The following STAMBPL1 variants were observed in gnomAD, a reference collection of about 807,000 sequenced individuals.
STAMBPL1 encodes the protein STAM binding protein like 1.
In STAMBPL1, 44 loss-of-function variants were observed where a neutral mutation model predicts 52.9. That is an observed-to-expected ratio of 0.83 (90% confidence interval 0.65 to 1.07). The LOEUF is 1.07. Among genes scored for constraint, STAMBPL1 ranks in the 50% least tolerant of loss-of-function variants. The pLI, the probability that STAMBPL1 is intolerant of heterozygous loss-of-function variation, is 0.00. For synonymous variants in STAMBPL1, 164 were observed against 177.3 expected, an observed-to-expected ratio of 0.92 and a Z score of 0.60; for missense variants, 511 against 520.8, an observed-to-expected ratio of 0.98 and a Z score of 0.18.
chr10:88,909,823 A>G (rs1332570820), intron 4 of STAMBPL1, among the ~76,000 whole-genome samples: 1 of 151,340 alleles, frequency 6.6e-6, no homozygotes, highest in Non-Finnish European at 1.5e-5. Context: ...CTGGTCTTGA[A>G]CTCCTGACCT....
At chr10:88,895,827 T>G (rs1236048629) in intron 1 of STAMBPL1, among the ~76,000 whole-genome samples, 1 of 152,198 alleles carries the variant, frequency 6.6e-6, no homozygotes, top group Non-Finnish European at 1.5e-5. Context: ...GGATAAAAAG[T>G]TTGTATTACA....
intron 6 of STAMBPL1, 59 bp from the exon 7 acceptor site, chr10:88,914,475 T>G: frequency 7.5e-7 from 1 of 1,336,512 alleles, no homozygotes; most frequent in Non-Finnish European, 9.8e-7. Flanking sequence ...CAATAACAAT[T>G]TTGAAAGATG....
chr10:88,913,870 T>C (rs749058652), intron 6 of STAMBPL1, among the ~76,000 whole-genome samples: 4 of 152,206 alleles, frequency 2.6e-5, no homozygotes, highest in African/African-American at 4.8e-5. Context: ...ATACTCAATA[T>C]GTTTAGCATC....
At chr10:88,901,466 A>G (rs1844941732) in intron 1 of STAMBPL1, 190 bp from the exon 2 acceptor site, 1 of 369,642 alleles carries the variant, frequency 2.7e-6, no homozygotes, top group Non-Finnish European at 4.9e-6. Context: ...GATCAGCTTC[A>G]GGAAACTATA....
At position 88,914,647 on chromosome 10, in the gene STAMBPL1, T is replaced by A; in HGVS notation, c.892T>A (p.Cys298Ser). The stretch of plus-strand genomic sequence containing the variant: ...AGGAATAGAAACCTGTGGAATACTC[T>A]GTGGAAAACTGGTATGATCTTTTTA... ...VRGIETCGIL[C>S]GKLTHNEFTI... Residue 298 changes from cysteine to serine, a missense_variant, in exon 7 of 11, where the codon TGT (cysteine) becomes AGT (serine). Transcript: ENST00000371926. The A allele has an allele frequency of 7.3e-7, 1 of 1,375,696 alleles. No homozygotes were observed. Among genetic ancestry groups the A allele is most frequent in the Non-Finnish European group, 9.5e-7 (1 of 1,052,618 alleles). 85.2% of individuals were successfully genotyped at this position (1,375,696 alleles called of 1,614,324 possible).
intron 6 of STAMBPL1, 46 bp from the exon 7 acceptor site, chr10:88,914,488 A>T: frequency 7.1e-7 from 1 of 1,405,390 alleles, no homozygotes; most frequent in South Asian, 1.8e-5. Context: ...GAAAGATGGG[A>T]CATATAGTTT....
intron 4 of STAMBPL1, among the ~76,000 whole-genome samples, chr10:88,909,919 A>T (rs986463588): frequency 3.3e-5 from 5 of 152,092 alleles, no homozygotes; most frequent in African/African-American, 1.2e-4. Context: ...TAATGTCTAC[A>T]GTCACTTACC....
chr10:88,892,355 T>TGC (rs755412124), intron 1 of STAMBPL1, among the ~76,000 whole-genome samples: 1 of 48,326 alleles, frequency 2.1e-5, no homozygotes, highest in Non-Finnish European at 3.6e-5. Context: ...TGCGTGTGCG[T>TGC]GTGTGTGTGT....
intron 8 of STAMBPL1, 128 bp from the exon 9 acceptor site, chr10:88,921,155 C>A (rs1331334772): frequency 7.4e-6 from 5 of 675,510 alleles, no homozygotes; most frequent in African/African-American, 7.3e-5. Flanking sequence ...TCAGCAAAAC[C>A]TTTTTAAAAA....
intron 4 of STAMBPL1, among the ~76,000 whole-genome samples, chr10:88,910,120 T>A (rs1845182449): frequency 6.6e-6 from 1 of 152,184 alleles, no homozygotes; most frequent in South Asian, 2.1e-4. Flanking sequence ...ATTTCCCTTG[T>A]TTATGCTTAT....
chr10:88,921,445 C>A, intron 9 of STAMBPL1, 50 bp downstream of exon 9: 1 of 1,472,618 alleles, frequency 6.8e-7, no homozygotes, highest in Non-Finnish European at 9.5e-7. Context: ...TCCAGGGCTG[C>A]TGGGTTCCTG....
At chr10:88,904,641 C>T (rs142730570) in intron 2 of STAMBPL1, among the ~76,000 whole-genome samples, 1,807 of 143,558 alleles carry the variant, frequency 0.013, 11 homozygotes, top group Non-Finnish European at 0.019. Context: ...GAGAAAATTT[C>T]CTTTCTGAAG....
At chr10:88,897,100 G>T (rs1589359925) in intron 1 of STAMBPL1, among the ~76,000 whole-genome samples, 2 of 152,152 alleles carry the variant, frequency 1.3e-5, no homozygotes, top group East Asian at 3.9e-4. Context: ...CTATGGTTAT[G>T]TAGAGAATAA....
intron 7 of STAMBPL1, among the ~76,000 whole-genome samples, 190 bp from the exon 8 acceptor site, chr10:88,916,490 G>A (rs1326466944): frequency 2.0e-5 from 3 of 147,878 alleles, no homozygotes; most frequent in East Asian, 2.1e-4. Context: ...CATTTTTACT[G>A]TTGGGACTTT....
intron 2 of STAMBPL1, among the ~76,000 whole-genome samples, chr10:88,904,794 G>T (rs1437164159): frequency 6.6e-6 from 1 of 151,902 alleles, no homozygotes; most frequent in Admixed American, 6.6e-5. Flanking sequence ...TCTTAGTCAA[G>T]GACTAATTTA....
rs1845319349 is a variant in STAMBPL1, at chr10:88,914,573, A to G, written c.818A>G (p.Glu273Gly). 1 of 1,540,124 alleles carries G rather than the reference A, an allele frequency of 6.5e-7. No individual in the cohort carries two copies. The highest frequency in any genetic ancestry group is 1.3e-5 in the South Asian group (1 of 79,952). ...VEGLRCVVLP[E>G]DLCHKFLQLA... ...GGACTGCGATGTGTAGTTTTGCCAG[A>G]AGATCTTTGCCACAAATTTCTGCAA... Residue 273 changes from glutamate to glycine, a missense_variant, in exon 7 of 11, where the codon GAA (glutamate) becomes GGA (glycine). Coordinates refer to ENST00000371926, the MANE Select transcript of STAMBPL1 (RefSeq NM_020799.4).
At chr10:88,889,543 T>C (rs1220189771) in intron 1 of STAMBPL1, among the ~76,000 whole-genome samples, 3 of 152,226 alleles carry the variant, frequency 2.0e-5, no homozygotes, top group Non-Finnish European at 4.4e-5. Flanking sequence ...TAATAAATAT[T>C]ATAGCTGTCA....
chr10:88,906,507 C>T (rs1378409166), intron 3 of STAMBPL1, among the ~76,000 whole-genome samples: 1 of 152,054 alleles, frequency 6.6e-6, no homozygotes, highest in African/African-American at 2.4e-5. Flanking sequence ...TTTAAGTTGA[C>T]AAATAAAAAT....
chr10:88,882,430 AT>A (rs532137063), intron 1 of STAMBPL1: 190 of 152,366 alleles, frequency 1.2e-3, no homozygotes, highest in African/African-American at 4.4e-3. Flanking sequence ...ATAGGACTTA[AT>A]TAACACCGTT....
Sources: allele counts gnomAD v4.1 joint callset (sites outside exome capture counted in the v4.1 genomes callset), GRCh38; gene constraint gnomAD v4.1.1; transcripts MANE v1.5; gene names NCBI Gene and HGNC (gene_info 2026-07-23, HGNC 2026-07-21).